The following GREB1 variants were observed in gnomAD, a reference collection of about 807,000 sequenced individuals.
GREB1 encodes the protein growth regulating estrogen receptor binding 1.
GREB1 carries 106 observed loss-of-function variants against 200.7 expected under a neutral mutation model. The observed-to-expected ratio is 0.53, with a 90% CI of 0.45 to 0.62. The LOEUF (loss-of-function observed/expected upper bound fraction) is 0.62, where lower values mean the gene tolerates loss of function less well. GREB1 is among the 20% of genes least tolerant of loss of function. GREB1 has a pLI of 0.00. For synonymous variants in GREB1, 1,132 were observed against 1,092.4 expected, an observed-to-expected ratio of 1.04 and a Z score of -0.72; for missense variants, 2,243 against 2,556.8, an observed-to-expected ratio of 0.88 and a Z score of 2.65.
intron 1 of GREB1, among the ~76,000 whole-genome samples, chr2:11,553,511 C>T (rs890172464): frequency 5.3e-5 from 8 of 152,182 alleles, no homozygotes; most frequent in Non-Finnish European, 1.0e-4. Context: ...AAAAACCCCA[C>T]TTTTCTATGC....
intron 1 of GREB1, among the ~76,000 whole-genome samples, chr2:11,483,733 T>G (rs1030773852): frequency 7.3e-6 from 1 of 136,518 alleles, no homozygotes; most frequent in African/African-American, 2.7e-5. Flanking sequence ...TGTGTGTGTG[T>G]GGCCCGGCCA....
chr2:11,570,986 C>A (rs548693336), intron 4 of GREB1, among the ~76,000 whole-genome samples: 1 of 152,214 alleles, frequency 6.6e-6, no homozygotes, highest in African/African-American at 2.4e-5. Context: ...ACAAGGAGGT[C>A]ATTTCTACAC....
At chr2:11,527,054 GTTAT>G (rs2148483082) in intron 1 of GREB1, among the ~76,000 whole-genome samples, 1 of 152,216 alleles carries the variant, frequency 6.6e-6, no homozygotes, top group East Asian at 1.9e-4. Context: ...TTCCACTACA[GTTAT>G]TTATGATTTA....
chr2:11,484,235 T>G (rs1558476651), intron 1 of GREB1, among the ~76,000 whole-genome samples: 1 of 152,252 alleles, frequency 6.6e-6, no homozygotes, highest in Non-Finnish European at 1.5e-5. Flanking sequence ...TGTTTCTGAC[T>G]GCTTTCTCAG....
chr2:11,577,737 A>G (rs1479463673), intron 5 of GREB1, among the ~76,000 whole-genome samples: 4 of 151,924 alleles, frequency 2.6e-5, no homozygotes, highest in African/African-American at 7.3e-5. Context: ...CCCCCCTCAC[A>G]CCCGACTCTT....
chr2:11,627,183 C>T (rs1684535215), intron 25 of GREB1, 79 bp downstream of exon 25: 1 of 1,316,248 alleles, frequency 7.6e-7, no homozygotes, highest in Non-Finnish European at 1.0e-6. Context: ...CGCTTTCATT[C>T]CAGAGTGGGA....
At chr2:11,639,714 A>G (rs758641815) in intron 32 of GREB1, among the ~76,000 whole-genome samples, 1 of 152,174 alleles carries the variant, frequency 6.6e-6, no homozygotes, top group Admixed American at 6.5e-5. Context: ...GCCTTGGGAA[A>G]GATCAAGAGG....
intron 1 of GREB1, among the ~76,000 whole-genome samples, chr2:11,543,465 G>A (rs963283747): frequency 6.6e-6 from 1 of 152,138 alleles, no homozygotes; most frequent in Non-Finnish European, 1.5e-5. Flanking sequence ...GTGGTTCTTA[G>A]TATCTCCATT....
At chr2:11,504,240 G>T (rs2148434091) in intron 1 of GREB1, among the ~76,000 whole-genome samples, 1 of 152,276 alleles carries the variant, frequency 6.6e-6, no homozygotes, top group East Asian at 1.9e-4. Flanking sequence ...GGGATGGAGT[G>T]AGAAGGTGGG....
At chr2:11,549,554 T>C (rs904796253) in intron 1 of GREB1, among the ~76,000 whole-genome samples, 1 of 152,246 alleles carries the variant, frequency 6.6e-6, no homozygotes, top group Non-Finnish European at 1.5e-5. Flanking sequence ...AATGCTATAG[T>C]TGTCCTGTTA....
chr2:11,523,437 C>G (rs559989908), intron 1 of GREB1, among the ~76,000 whole-genome samples: 4 of 152,212 alleles, frequency 2.6e-5, no homozygotes, highest in African/African-American at 9.6e-5. Context: ...TTTAATGTCA[C>G]TTTTATTTTG....
intron 1 of GREB1, among the ~76,000 whole-genome samples, chr2:11,499,987 C>CT (rs1008344792): frequency 0.039 from 5,652 of 143,860 alleles, 351 homozygotes; most frequent in African/African-American, 0.13. Context: ...GTAAAGTATA[C>CT]TTTTTTTTTT....
intron 1 of GREB1, among the ~76,000 whole-genome samples, chr2:11,486,463 T>C (rs1672658170): frequency 6.6e-6 from 1 of 152,024 alleles, no homozygotes. Flanking sequence ...TTGTAGTACT[T>C]TAAAGCTAAT....
intron 1 of GREB1, among the ~76,000 whole-genome samples, chr2:11,485,230 A>G (rs1180330174): frequency 2.0e-5 from 3 of 150,406 alleles, no homozygotes; most frequent in African/African-American, 7.4e-5. Context: ...AGGTAATTAG[A>G]AGCAACATTT....
Position 11,600,815 on chromosome 2 carries a change from C to CTTTAT in GREB1, c.2349_2350insTTTAT (p.Leu784PhefsTer23). The CTTTAT allele has an allele frequency of 6.2e-7, 1 of 1,613,820 alleles. No homozygotes were observed. The highest frequency in any genetic ancestry group is 1.7e-4 in the Middle Eastern group (1 of 6,060). On this transcript the variant is annotated frameshift_variant, in exon 16 of 33. Transcript: ENST00000381486. LOFTEE classifies it high-confidence loss of function. ...CCTCCCTCAGTAGCACTGTTCATAA[C>CTTTAT]CTCTATTCTCAAAGTGACCCGTCGG...
In GREB1 at chr2:11,596,173, T is replaced by C. The variant is rs1229627625; in HGVS notation, c.1888T>C (p.Ser630Pro). The change falls in exon 13 of 33, where the codon TCA (serine) becomes CCA (proline). Residue 630 changes from serine (S) to proline (P), a missense_variant. Ser to Pro is a moderately conservative substitution (Grantham distance 74, BLOSUM62 -1). Around this residue, in one of 3 missense-constraint regions of GREB1, gnomAD observed 1,178 missense variants for 1,387.4 expected, o/e 0.85. Transcript: ENST00000381486. Reference protein sequence around the residue: ...HQENQGHISSSLAASSVTKAA... With the variant: ...HQENQGHISSPLAASSVTKAA... ...GGAAAATCAAGGCCATATTTCTTCC[T>C]CACTCGCTGCCTCTTCTGTCACTAA... 3 of 1,613,704 alleles carry C rather than the reference T, an allele frequency of 1.9e-6. No homozygotes were observed. In the East Asian group the frequency reaches 6.7e-5, roughly 36 times the overall value.
intron 1 of GREB1, chr2:11,517,446 G>A (rs1407798863): frequency 6.6e-6 from 1 of 152,184 alleles, no homozygotes; most frequent in African/African-American, 2.4e-5. Flanking sequence ...AGCTAAGCAG[G>A]GTTGGCTTGG....
At chr2:11,599,289 G>A (rs71446420) in intron 15 of GREB1, among the ~76,000 whole-genome samples, 7,033 of 151,748 alleles carry the variant, frequency 0.046, 232 homozygotes, top group Middle Eastern at 0.12. Flanking sequence ...AAGAGGCTCC[G>A]TGGGGGCTCT....
intron 17 of GREB1, among the ~76,000 whole-genome samples, chr2:11,610,006 GT>G (rs1297017653): frequency 1.3e-5 from 2 of 152,108 alleles, no homozygotes; most frequent in Non-Finnish European, 2.9e-5. Flanking sequence ...TTTTCCATTG[GT>G]GCCCTGGGGT....
Sources: gnomAD v4.1 joint callset for allele counts (sites outside exome capture counted in the v4.1 genomes callset) on GRCh38, gnomAD v4.1.1 for gene constraint, gnomAD v4.1.1 regional missense constraint, MANE v1.5 for transcripts, NCBI Gene and HGNC (gene_info 2026-07-23, HGNC 2026-07-21) for gene names.